Variants in PP2D1 observed in about 807,000 individuals in gnomAD.
PP2D1 encodes protein phosphatase 2C like domain containing 1.
In PP2D1, 25 loss-of-function variants were observed where a neutral mutation model predicts 30.2. The ratio of observed to expected loss-of-function variants is 0.83; its 90% CI spans 0.60 to 1.16. The LOEUF (loss-of-function observed/expected upper bound fraction) is 1.16. PP2D1 is among the 50% of genes most tolerant of loss of function. The probability of loss-of-function intolerance (pLI) is 0.00; values close to 1 mark genes in which losing one functional copy is unlikely to be tolerated. For missense variants in PP2D1, 760 were observed against 742.4 expected (o/e 1.02, Z -0.28); for synonymous variants, 260 against 258.9 (o/e 1.00, Z -0.04).
intron 1 of PP2D1, among the ~76,000 whole-genome samples, chr3:20,005,888 G>C (rs1283767581): frequency 1.3e-5 from 2 of 152,132 alleles, no homozygotes; most frequent in Admixed American, 1.3e-4. Flanking sequence ...ACTCCAGCCT[G>C]GGCAACAAAC....
chr3:19,988,132 A>C (rs77731814), intron 2 of PP2D1, among the ~76,000 whole-genome samples: 23,196 of 152,204 alleles, frequency 0.15, 1,988 homozygotes, highest in Non-Finnish European at 0.2. Flanking sequence ...CCTTGAAAAA[A>C]GAGCAGGATA....
intron 2 of PP2D1, among the ~76,000 whole-genome samples, chr3:19,989,867 CATTATTTTCCTAGT>C (rs200208684): frequency 0.014 from 2,203 of 152,256 alleles, 21 homozygotes; most frequent in Non-Finnish European, 0.022. Flanking sequence ...AAAGAAAAAG[CATTATTTTCCTAGT>C]ATGTGATTTG....
intron 1 of PP2D1, among the ~76,000 whole-genome samples, chr3:20,009,027 T>TA (rs1697355738): frequency 6.6e-6 from 1 of 152,156 alleles, no homozygotes. Context: ...TATGTAAAAT[T>TA]AATTAAGAAA....
chr3:19,989,754 A>G (rs998147824), intron 2 of PP2D1, among the ~76,000 whole-genome samples: 31 of 152,248 alleles, frequency 2.0e-4, no homozygotes, highest in African/African-American at 7.2e-4. Flanking sequence ...TTGTACGGCC[A>G]TAGCTCTGAA....
intron 1 of PP2D1, among the ~76,000 whole-genome samples, chr3:20,004,729 G>A (rs1697297203): frequency 6.6e-6 from 1 of 151,866 alleles, no homozygotes; most frequent in African/African-American, 2.4e-5. Context: ...AATTTCTAGG[G>A]CATGAGATAT....
downstream of PP2D1, among the ~76,000 whole-genome samples, chr3:19,983,339 A>C (rs1284202375): frequency 8.3e-6 from 1 of 121,162 alleles, no homozygotes; most frequent in Admixed American, 8.0e-5. Flanking sequence ...GAGTGAGACT[A>C]CATCTCAAAA....
intron 2 of PP2D1, among the ~76,000 whole-genome samples, chr3:20,000,740 T>G (rs1279703133): frequency 6.6e-6 from 1 of 152,242 alleles, no homozygotes; most frequent in African/African-American, 2.4e-5. Context: ...ATGTAGTAAC[T>G]TTGCTTTTCA....
At chr3:19,996,768 G>A (rs968354652) in intron 2 of PP2D1, 1 of 152,036 alleles carries the variant, frequency 6.6e-6, no homozygotes, top group African/African-American at 2.4e-5. Context: ...TTCCAGGGAT[G>A]CAAGGATGGT....
chr3:19,989,158 ACT>A (rs891416814), intron 2 of PP2D1, among the ~76,000 whole-genome samples: 20 of 151,678 alleles, frequency 1.3e-4, no homozygotes, highest in Non-Finnish European at 2.1e-4. Flanking sequence ...ACATGGCGAA[ACT>A]CTGTCTCTAC....
chr3:20,011,367 G>C (rs1433041559), intron 1 of PP2D1, among the ~76,000 whole-genome samples: 4 of 152,144 alleles, frequency 2.6e-5, no homozygotes, highest in Non-Finnish European at 5.9e-5. Flanking sequence ...CCGCAACAGT[G>C]TGTTTTGATC....
chr3:19,991,682 A>T (rs1404598244), intron 2 of PP2D1, among the ~76,000 whole-genome samples: 1 of 152,174 alleles, frequency 6.6e-6, no homozygotes, highest in Non-Finnish European at 1.5e-5. Context: ...TTCACTAAGT[A>T]ACAGGTTTTC....
At chr3:19,997,216 G>A (rs182096201) in intron 2 of PP2D1, among the ~76,000 whole-genome samples, 341 of 147,998 alleles carry the variant, frequency 2.3e-3, no homozygotes, top group African/African-American at 8.0e-3. Context: ...ATAGCCCACC[G>A]TGACGACTTG....
At chr3:19,998,663 C>T (rs756041447) in intron 2 of PP2D1, among the ~76,000 whole-genome samples, 31 of 152,016 alleles carry the variant, frequency 2.0e-4, no homozygotes, top group Non-Finnish European at 4.3e-4. Context: ...ACAAATTCAA[C>T]CTGTATTCAA....
chr3:20,001,850 C>T lies in PP2D1; in HGVS notation c.270G>A (p.Thr90=), dbSNP rs1194763452. 8 of 1,535,200 alleles carry T rather than the reference C, an allele frequency of 5.2e-6. No homozygotes were observed. The highest frequency in any genetic ancestry group is 2.0e-5 in the Admixed American group (1 of 50,700). Residue 90 remains threonine, a synonymous_variant, in exon 2 of 3, where the codon ACG becomes ACA. Transcript: ENST00000389050. ...TTCTACCCATCCATTGGAAACCCAG[C>T]GTGGCCAGAGCTACATGTTGCTTCT... ...LHKKQHVALA[T]LGFQWMGRKK...
downstream of PP2D1, among the ~76,000 whole-genome samples, chr3:19,982,792 T>C (rs1696955559): frequency 6.6e-6 from 1 of 150,678 alleles, no homozygotes; most frequent in Non-Finnish European, 1.5e-5. Flanking sequence ...AGCATGTATA[T>C]AGATGTTTTA....
At chr3:19,984,299 G>A (rs772634040), downstream of PP2D1, 4 of 427,670 alleles carry the variant, frequency 9.4e-6, no homozygotes, top group Admixed American at 8.9e-5. Context: ...CCTGGTACCT[G>A]TATTTAAAAT....
At chr3:19,990,236 C>T (rs929948688) in intron 2 of PP2D1, among the ~76,000 whole-genome samples, 1 of 151,916 alleles carries the variant, frequency 6.6e-6, no homozygotes, top group Non-Finnish European at 1.5e-5. Flanking sequence ...CCTTGACCTC[C>T]CTGGGCTCAG....
chr3:20,005,801 A>G (rs1305090752), intron 1 of PP2D1, among the ~76,000 whole-genome samples: 1 of 152,202 alleles, frequency 6.6e-6, no homozygotes, highest in Admixed American at 6.5e-5. Flanking sequence ...AGTAGAAAAC[A>G]AAAGAATGTT....
rs1476650697 is a variant in PP2D1, at chr3:19,986,123, T to C, written c.1150A>G (p.Thr384Ala). 2 of 1,534,866 alleles carry C rather than the reference T, an allele frequency of 1.3e-6. No homozygotes were observed. Among genetic ancestry groups the C allele is most frequent in the South Asian group, 2.4e-5 (2 of 83,578 alleles). ...CTTCTTTCATTTGTGTTTCGTGTAG[T>C]ATGTTCTTTGGTTAGGCAAAAACCT... ...GKGFCLTKEH[T>A]TRNTNERRRI... Residue 384 changes from threonine to alanine, a missense_variant, in exon 3 of 3, where the codon ACT becomes GCT. By Grantham distance (58) the Thr-to-Ala change is moderately conservative. Coordinates refer to ENST00000389050, the MANE Select transcript of PP2D1 (RefSeq NM_001252657.2).
Sources: gnomAD v4.1 joint callset for allele counts (sites outside exome capture counted in the v4.1 genomes callset) on GRCh38, gnomAD v4.1.1 for gene constraint, MANE v1.5 for transcripts, NCBI Gene and HGNC (gene_info 2026-07-23, HGNC 2026-07-21) for gene names.